Variants in BAG1 observed in about 807,000 individuals in gnomAD.
BAG1 encodes the protein BAG cochaperone 1.
BAG1 carries 35 observed loss-of-function variants against 35.5 expected under a neutral mutation model. The observed-to-expected ratio is 0.99, with a 90% CI of 0.75 to 1.31. The LOEUF (loss-of-function observed/expected upper bound fraction) is 1.31, where lower values mean the gene tolerates loss of function less well. BAG1 is among the 50% of genes most tolerant of loss of function. BAG1 has a pLI of 0.00. For missense variants in BAG1, 464 were observed against 453.6 expected, an observed-to-expected ratio of 1.02 and a Z score of -0.21; for synonymous variants, 191 against 178.9, an observed-to-expected ratio of 1.07 and a Z score of -0.54.
At chr9:33,262,455 G>A (rs952638667) in intron 2 of BAG1, among the ~76,000 whole-genome samples, 7 of 151,976 alleles carry the variant, frequency 4.6e-5, no homozygotes, top group Non-Finnish European at 8.8e-5. Context: ...TCAGGAGTTC[G>A]AGACCAGCCT....
intron 2 of BAG1, 73 bp from the exon 3 acceptor site, chr9:33,261,242 G>T: frequency 1.7e-6 from 2 of 1,160,686 alleles, no homozygotes; most frequent in Non-Finnish European, 1.3e-6. Context: ...GCAGGATACA[G>T]GAAATAGACA....
rs990738136 is a variant in BAG1, at chr9:33,264,662, C to A, written c.13G>T (p.Gly5Trp). ...TCGCCTCGCGGTCTCCGCGCCCCCC[C>A]GCGCTGAGCCAGGCCCGCACTTGTT... is the stretch of plus-strand genomic sequence containing the variant. Residue 5 changes from glycine (G) to tryptophan (W), a missense_variant, in exon 1 of 7, where the codon GGG becomes TGG. By Grantham distance (184) the Gly-to-Trp change is radical (BLOSUM62 -2). Coordinates refer to ENST00000634734, the MANE Select transcript of BAG1 (RefSeq NM_004323.6). The A allele has an allele frequency of 5.2e-6, 7 of 1,346,976 alleles. No homozygotes were observed. Among genetic ancestry groups the A allele is most frequent in the East Asian group, 6.1e-5 (2 of 32,814 alleles). 83.4% of individuals were successfully genotyped at this position (1,346,976 alleles called of 1,614,324 possible).
At chr9:33,258,436 T>A (rs1404894159) in intron 4 of BAG1, among the ~76,000 whole-genome samples, 1 of 151,638 alleles carries the variant, frequency 6.6e-6, no homozygotes, top group Non-Finnish European at 1.5e-5. Context: ...ATCTCTAATA[T>A]AAGGAATTGA....
At chr9:33,259,596 A>C (rs1395897458) in intron 3 of BAG1, 2 of 153,360 alleles carry the variant, frequency 1.3e-5, no homozygotes, top group East Asian at 3.8e-4. Context: ...GCTTGGGTGC[A>C]GAGAATGGAG....
In BAG1 at chr9:33,255,323, CG is replaced by C; in HGVS notation, c.949-16del. On this transcript the variant is annotated splice_polypyrimidine_tract_variant and intron_variant, in intron 6 of 6. Coordinates refer to ENST00000634734, the MANE Select transcript of BAG1 (RefSeq NM_004323.6). ...GCTAGGAATGCCTAGAAAATACACA[CG>C]GGGCAGTAAGGGCCCATCCAGGGGT... The C allele has an allele frequency of 6.2e-7, 1 of 1,614,108 alleles. No individual in the cohort carries two copies. The highest frequency in any genetic ancestry group is 8.5e-7 in the Non-Finnish European group (1 of 1,180,018).
chr9:33,256,929 A>T, intron 4 of BAG1, 21 bp from the exon 5 acceptor site: 1 of 1,585,556 alleles, frequency 6.3e-7, no homozygotes, highest in Non-Finnish European at 8.7e-7. Context: ...ATAATGCATT[A>T]TTGCAAGGGT....
rs752081823 is a variant in BAG1, at chr9:33,264,485, C to T, written c.190G>A (p.Ala64Thr). Residue 64 changes from alanine (A) to threonine (T), a missense_variant, in exon 1 of 7, where the codon GCC becomes ACC. By Grantham distance (58) the Ala-to-Thr change is moderately conservative (BLOSUM62 0). Coordinates refer to ENST00000634734, the MANE Select transcript of BAG1 (RefSeq NM_004323.6). ...ATCCGCGGCCTGCGAGCGCCGGCGG[C>T]GGCGCCCCTGGTGGGTCGGTCATGC... The T allele has an allele frequency of 6.8e-6, 11 of 1,610,886 alleles. No homozygotes were observed. The highest frequency in any genetic ancestry group is 5.9e-6 in the Non-Finnish European group (7 of 1,179,198).
rs1204258045 is a variant in BAG1, at chr9:33,254,157, T to G, written c.*1062A>C. On this transcript the variant is annotated 3_prime_UTR_variant, in exon 7 of 7. Transcript: ENST00000634734. Reference sequence around the variant, plus strand: ...TACGCCAAGCTAATTTTTTTTTTTTTTTTTTTTAAAGCAGAATGGGGTTTT... The same window carrying G: ...TACGCCAAGCTAATTTTTTTTTTTTGTTTTTTTAAAGCAGAATGGGGTTTT... The G allele has an allele frequency of 1.3e-5, 2 of 151,314 alleles. No homozygotes were observed. The highest frequency in any genetic ancestry group is 1.5e-5 in the Non-Finnish European group (1 of 67,988). 9.4% of individuals were successfully genotyped at this position (151,314 alleles called of 1,614,324 possible).
At chr9:33,264,105 G>A (rs1013223637) in intron 1 of BAG1, 119 bp downstream of exon 1, 31 of 1,213,728 alleles carry the variant, frequency 2.6e-5, no homozygotes, top group Non-Finnish European at 3.5e-5. Flanking sequence ...AATAACCCAC[G>A]CTTCCGGACG....
At chr9:33,264,101 C>T in intron 1 of BAG1, 123 bp downstream of exon 1, 1 of 1,186,824 alleles carries the variant, frequency 8.4e-7, no homozygotes, top group Non-Finnish European at 1.2e-6. Flanking sequence ...AACCAATAAC[C>T]CACGCTTCCG....
chr9:33,264,215 G>A lies in BAG1; in HGVS notation c.451+9C>T. The A allele has an allele frequency of 6.3e-7, 1 of 1,594,990 alleles. No homozygotes were observed. ...CCTGCATGGAGCCCACCTGGCGCCCGACACTCACTGTGGGTGACAGTCACG... is the reference window on the plus strand; with the variant it reads ...CCTGCATGGAGCCCACCTGGCGCCCAACACTCACTGTGGGTGACAGTCACG... On this transcript the variant is annotated intron_variant, in intron 1 of 6. Coordinates refer to ENST00000634734, the MANE Select transcript of BAG1 (RefSeq NM_004323.6).
chr9:33,255,108 A>T lies in BAG1; in HGVS notation c.*111T>A. 1 of 1,610,280 alleles carries T rather than the reference A, an allele frequency of 6.2e-7. No individual in the cohort carries two copies. The highest frequency in any genetic ancestry group is 8.5e-7 in the Non-Finnish European group (1 of 1,178,054). On this transcript the variant is annotated 3_prime_UTR_variant, in exon 7 of 7. Transcript: ENST00000634734. ...CAGTGTGAGAGTAGGAAAATTGGCA[A>T]ATGGCCAGTTGCCCCCAGCAGCCCT...
intron 3 of BAG1, 60 bp downstream of exon 3, chr9:33,261,027 C>A (rs1284080934): frequency 2.1e-6 from 3 of 1,422,144 alleles, no homozygotes; most frequent in Non-Finnish European, 2.9e-6. Flanking sequence ...TAAACAGAAA[C>A]ATGTATAAAA....
chr9:33,260,375 C>G (rs1365434961), intron 3 of BAG1: 2 of 152,234 alleles, frequency 1.3e-5, no homozygotes, highest in Non-Finnish European at 2.9e-5. Context: ...TATGCTATCC[C>G]AAATTATTCA....
chr9:33,255,225 G>A lies in BAG1; in HGVS notation c.1032C>T (p.Ala344=), dbSNP rs775006645. 4.3e-5 allele frequency: 69 copies of A among 1,614,178 alleles called. 1 individual carries two copies. The highest frequency in any genetic ancestry group is 4.7e-5 in the Non-Finnish European group (55 of 1,180,022). Residue 344 remains alanine (A), a synonymous_variant, in exon 7 of 7, where the codon GCC becomes GCT. Transcript: ENST00000634734. ...AGCCTTTTTCTGCTACACCTCACTC[G>A]GCCAGGGCAAAGTTTGTAGACTGCA...
chr9:33,257,963 T>C (rs898527454), intron 4 of BAG1: 1 of 93,478 alleles, frequency 1.1e-5, no homozygotes, highest in Non-Finnish European at 3.0e-5. Context: ...TACTTAAAAC[T>C]TTTGTACAGT....
chr9:33,254,130 A>G lies in BAG1; in HGVS notation c.*1089T>C, dbSNP rs1441875704. On this transcript the variant is annotated 3_prime_UTR_variant, in exon 7 of 7. Transcript: ENST00000634734. ...GTAGCTGGGATTATAGGCACATGCC[A>G]CTACGCCAAGCTAATTTTTTTTTTT... The G allele has an allele frequency of 2.1e-5, 3 of 143,524 alleles. No homozygotes were observed. The highest frequency in any genetic ancestry group is 8.0e-5 in the African/African-American group (3 of 37,690). 8.9% of individuals were successfully genotyped at this position (143,524 alleles called of 1,614,324 possible). A position where few individuals can be genotyped will look rare whatever the true frequency, so the allele number is the denominator to read the frequency against.
At chr9:33,258,810 C>CAG in intron 4 of BAG1, 110 bp downstream of exon 4, 1 of 818,102 alleles carries the variant, frequency 1.2e-6, no homozygotes, top group Non-Finnish European at 2.0e-6. Context: ...AGGGTGAATC[C>CAG]AGGATCTGAA....
chr9:33,264,445 C>T lies in BAG1; in HGVS notation c.230G>A (p.Arg77Gln). Residue 77 changes from arginine to glutamine, a missense_variant, in exon 1 of 7, where the codon CGG (arginine) becomes CAG (glutamine). By Grantham distance (43) the Arg-to-Gln change is conservative. Coordinates refer to ENST00000634734, the MANE Select transcript of BAG1 (RefSeq NM_004323.6). ...CTCCTCGCTCCGGGTCGAGCGGCGC[C>T]GGGTTTTCTTCTTCATCCGCGGCCT... is the stretch of plus-strand genomic sequence containing the variant. 3.1e-6 allele frequency: 5 copies of T among 1,614,086 alleles called. No individual in the cohort carries two copies. Among genetic ancestry groups the T allele is most frequent in the Non-Finnish European group, 4.2e-6 (5 of 1,179,988 alleles).
Sources: gnomAD v4.1 joint callset for allele counts (sites outside exome capture counted in the v4.1 genomes callset) on GRCh38, gnomAD v4.1.1 for gene constraint, MANE v1.5 for transcripts, NCBI Gene and HGNC (gene_info 2026-07-23, HGNC 2026-07-21) for gene names.